Variants in SLC4A5 observed in about 807,000 individuals in gnomAD.
SLC4A5 encodes the protein solute carrier family 4 member 5.
SLC4A5 carries 96 observed loss-of-function variants against 120.4 expected under a neutral mutation model. The observed-to-expected ratio is 0.80, with a 90% confidence interval of 0.68 to 0.94. SLC4A5 has a LOEUF of 0.94. SLC4A5 is among the 40% of genes least tolerant of loss of function. The pLI, the probability that SLC4A5 is intolerant of heterozygous loss-of-function variation, is 0.00. For synonymous variants in SLC4A5, 550 were observed against 571.1 expected, an observed-to-expected ratio of 0.96 and a Z score of 0.53; for missense variants, 1,259 against 1,459.5, an observed-to-expected ratio of 0.86 and a Z score of 2.24.
At chr2:74,340,710 T>C (rs1175338971) in intron 2 of SLC4A5, among the ~76,000 whole-genome samples, 3 of 152,168 alleles carry the variant, frequency 2.0e-5, no homozygotes, top group Non-Finnish European at 4.4e-5. Flanking sequence ...AGTTTTCATA[T>C]TCTTCTCACC....
At chr2:74,223,608 C>T (rs540050966) in intron 28 of SLC4A5, among the ~76,000 whole-genome samples, 2 of 152,304 alleles carry the variant, frequency 1.3e-5, no homozygotes, top group Admixed American at 1.3e-4. Flanking sequence ...TCCTGTTTTT[C>T]CATTGATATA....
At chr2:74,331,277 T>C (rs879926806) in intron 4 of SLC4A5, among the ~76,000 whole-genome samples, 2 of 131,604 alleles carry the variant, frequency 1.5e-5, no homozygotes, top group Non-Finnish European at 3.2e-5. Flanking sequence ...GAGGTGGTAA[T>C]GTCTAGATGG....
exon 31 of SLC4A5, chr2:74,217,253 G>A (rs1694472240): frequency 6.6e-6 from 1 of 152,170 alleles, no homozygotes; most frequent in Admixed American, 6.5e-5. Flanking sequence ...AGTTGTTTTG[G>A]AGAAAGTAAG....
chr2:74,315,167 C>A, intron 5 of SLC4A5, 142 bp from the exon 6 acceptor site: 1 of 695,796 alleles, frequency 1.4e-6, no homozygotes, highest in South Asian at 1.6e-5. Context: ...TAACTGGGTG[C>A]AGTGGCTCAC....
At chr2:74,222,868 T>C in exon 29 of SLC4A5, 1 of 1,610,814 alleles carries the variant, frequency 6.2e-7, no homozygotes, top group Non-Finnish European at 8.5e-7. Context: ...TTTTACTTAC[T>C]GGCAATGCAG....
chr2:74,232,831 C>A (rs1356801004), intron 23 of SLC4A5, among the ~76,000 whole-genome samples, 184 bp from the exon 24 acceptor site: 2 of 152,164 alleles, frequency 1.3e-5, no homozygotes, highest in African/African-American at 4.8e-5. Context: ...AAAGGGTGAA[C>A]TGCCTAAGGG....
chr2:74,250,744 G>A (rs2103986657), intron 16 of SLC4A5: 1 of 524,294 alleles, frequency 1.9e-6, no homozygotes, highest in East Asian at 3.3e-5. Flanking sequence ...GAGGGTTTTG[G>A]AGAGGGAAAG....
chr2:74,324,620 T>C (rs961690809), intron 5 of SLC4A5, among the ~76,000 whole-genome samples: 2 of 152,208 alleles, frequency 1.3e-5, no homozygotes, highest in African/African-American at 2.4e-5. Context: ...CAGTTGGTGA[T>C]TTTTAAAAAG....
intron 8 of SLC4A5, among the ~76,000 whole-genome samples, chr2:74,269,240 C>G (rs1671396129): frequency 6.6e-6 from 1 of 151,840 alleles, no homozygotes; most frequent in Non-Finnish European, 1.5e-5. Flanking sequence ...GAGTTTCACT[C>G]TCATCGCCCA....
chr2:74,317,495 G>C (rs1453407495), intron 5 of SLC4A5, among the ~76,000 whole-genome samples: 3 of 152,146 alleles, frequency 2.0e-5, no homozygotes, highest in Non-Finnish European at 4.4e-5. Flanking sequence ...GAACACAGGG[G>C]AGATGGTGGA....
At chr2:74,300,990 T>C (rs984012836) in intron 7 of SLC4A5, among the ~76,000 whole-genome samples, 4 of 152,180 alleles carry the variant, frequency 2.6e-5, no homozygotes, top group African/African-American at 7.2e-5. Flanking sequence ...TTCTTTAGGA[T>C]AGTGTATTTT....
intron 5 of SLC4A5, chr2:74,319,334 C>T (rs1006865560): frequency 2.0e-5 from 3 of 152,058 alleles, no homozygotes; most frequent in African/African-American, 7.2e-5. Context: ...TGTAAGAAAC[C>T]TGAATTTGTA....
chr2:74,292,386 C>T lies in SLC4A5; in HGVS notation c.272-6484G>A, dbSNP rs548498527. Among the ~76,000 whole-genome samples, 112 of 152,322 alleles carry T rather than the reference C, an allele frequency of 7.4e-4. No homozygotes were observed. In the South Asian group the frequency reaches 9.1e-3, roughly 12 times the overall value. On this transcript the variant is annotated intron_variant, in intron 7 of 30. Transcript: ENST00000394019. ...GGCCCCTACGCTGTCTCTGCCCCTC[C>T]CTTCTGCCCACAGAAGGTTTAGCTC...
intron 27 of SLC4A5, among the ~76,000 whole-genome samples, chr2:74,226,540 C>T (rs2103887770): frequency 6.6e-6 from 1 of 152,270 alleles, no homozygotes; most frequent in East Asian, 1.9e-4. Flanking sequence ...TTCCCCTGCC[C>T]CCCTACTTCA....
intron 5 of SLC4A5, among the ~76,000 whole-genome samples, chr2:74,327,476 T>C (rs1376421636): frequency 6.6e-6 from 1 of 152,164 alleles, no homozygotes; most frequent in Non-Finnish European, 1.5e-5. Flanking sequence ...CCCTAGCTTG[T>C]CCATTGCCTC....
intron 10 of SLC4A5, among the ~76,000 whole-genome samples, chr2:74,262,852 C>G (rs1671184891): frequency 1.3e-5 from 2 of 152,126 alleles, no homozygotes; most frequent in Admixed American, 6.6e-5. Context: ...AGGCAAGTTA[C>G]TTAAACTCTC....
chr2:74,243,148 A>G (rs2103957388), intron 19 of SLC4A5, among the ~76,000 whole-genome samples: 1 of 152,330 alleles, frequency 6.6e-6, no homozygotes, highest in Admixed American at 6.5e-5. Context: ...CCCTGGCCTC[A>G]GTGTCCCTAA....
At chr2:74,229,150 G>C (rs1191037944) in intron 25 of SLC4A5, among the ~76,000 whole-genome samples, 4 of 124,866 alleles carry the variant, frequency 3.2e-5, no homozygotes, top group African/African-American at 1.2e-4. Context: ...TGGCCATTCT[G>C]GTCTCAAACT....
intron 5 of SLC4A5, among the ~76,000 whole-genome samples, chr2:74,318,857 T>C (rs1673028491): frequency 6.6e-6 from 1 of 152,102 alleles, no homozygotes; most frequent in African/African-American, 2.4e-5. Flanking sequence ...TGCTGGTATA[T>C]GCCCAAAGGA....
Sources: allele counts gnomAD v4.1 joint callset (sites outside exome capture counted in the v4.1 genomes callset), GRCh38; gene constraint gnomAD v4.1.1; transcripts MANE v1.5; gene names NCBI Gene and HGNC (gene_info 2026-07-23, HGNC 2026-07-21).